Variants in EIF2D observed in about 807,000 individuals in gnomAD.
EIF2D encodes the protein hepatocellular carcinoma-associated antigen 56.
EIF2D carries 56 observed loss-of-function variants against 77.4 expected under a neutral mutation model. That is an observed-to-expected ratio of 0.72 (90% CI 0.58 to 0.90). The LOEUF (loss-of-function observed/expected upper bound fraction) is 0.90. Ranked by LOEUF, EIF2D falls within the 40% of genes least tolerant of loss-of-function variation. The pLI is 0.00. For synonymous variants in EIF2D, 230 were observed against 271.0 expected (o/e 0.85, Z 1.49); for missense variants, 574 against 706.5 (o/e 0.81, Z 2.13).
chr1:206,595,501 T>C (rs1553409832), intron 13 of EIF2D: 2 of 397,780 alleles, frequency 5.0e-6, no homozygotes, highest in African/African-American at 4.1e-5. Context: ...CTCTAGCAAG[T>C]TTCCTAGAAC....
At chr1:206,573,016 A>G (rs1668502907) in intron 4 of EIF2D, among the ~76,000 whole-genome samples, 1 of 152,212 alleles carries the variant, frequency 6.6e-6, no homozygotes, top group Non-Finnish European at 1.5e-5. Flanking sequence ...GATGATGATG[A>G]TCATGATCAT....
chr1:206,578,368 A>G (rs1019248867), intron 4 of EIF2D, among the ~76,000 whole-genome samples: 11 of 152,164 alleles, frequency 7.2e-5, no homozygotes, highest in African/African-American at 2.2e-4. Flanking sequence ...AATGAGCATC[A>G]TAATAGTATT....
chr1:206,583,665 T>G, intron 2 of EIF2D: 2 of 390,686 alleles, frequency 5.1e-6, no homozygotes, highest in Non-Finnish European at 9.7e-6. Context: ...AAACGGTACG[T>G]AATGACCAAG....
rs1186958438 is a variant in EIF2D at position 206,599,458 on chromosome 1, C to T, written c.1202+5G>A. On this transcript the variant is annotated splice_donor_5th_base_variant and intron_variant, in intron 10 of 14. Transcript: ENST00000271764. The surrounding 1 kb of genome is among the most constrained non-coding windows in gnomAD (Gnocchi z 4.1). ...GCAGAGAAGGGCTGCTCTCCAAAAA[C>T]TCACTTGTGGCCAGACTCCTGGAAG... 1.2e-6 allele frequency: 2 copies of T among 1,613,614 alleles called. No homozygotes were observed. The highest frequency in any genetic ancestry group is 3.3e-5 in the Admixed American group (2 of 59,950).
Position 206,602,439 on chromosome 1 carries a change from G to A in EIF2D, c.799C>T (p.Leu267=). 3.7e-6 allele frequency: 6 copies of A among 1,614,108 alleles called. No homozygotes were observed. Among genetic ancestry groups the A allele is most frequent in the South Asian group, 1.1e-5 (1 of 91,084 alleles). The change falls in exon 7 of 15, where the codon CTG becomes TTG. Residue 267 remains leucine, a synonymous_variant. Transcript: ENST00000271764. ...SKTLQEQMDE[L]LQQCFLHALK... is the part of the protein sequence containing the mutation. ...GCATGTAAGAAGCATTGCTGTAACA[G>A]CTCATCCATTTGTTCTGCAGGGAAA...
In EIF2D at chr1:206,597,278, C is replaced by T. The variant is rs1357422091; in HGVS notation, c.1293-83G>A. 9.1e-5 allele frequency: 92 copies of T among 1,012,460 alleles called. 1 individual carries two copies. The highest frequency in any genetic ancestry group is 1.6e-4 in the South Asian group (12 of 73,220). The allele number at this position is 1,012,460 out of a possible 1,614,324, so 62.7% of individuals were successfully genotyped here. A position where few individuals can be genotyped will look rare whatever the true frequency, so the allele number is the denominator to read the frequency against. ...GCTAATTCAGGATTCATCTCTCGTACGGCCTTTATAGACATTCAGGATATG... is the reference window on the plus strand; with the variant it reads ...GCTAATTCAGGATTCATCTCTCGTATGGCCTTTATAGACATTCAGGATATG... On this transcript the variant is annotated intron_variant, in intron 11 of 14. Coordinates refer to ENST00000271764, the MANE Select transcript of EIF2D (RefSeq NM_006893.3).
At chr1:206,595,311 T>C (rs926496882) in intron 13 of EIF2D, 5 of 154,366 alleles carry the variant, frequency 3.2e-5, no homozygotes, top group Admixed American at 1.9e-4. Context: ...AGAGATGTCA[T>C]TGGTTCCCCA....
chr1:206,583,737 A>C (rs1668986936), intron 2 of EIF2D: 3 of 261,028 alleles, frequency 1.1e-5, no homozygotes, highest in African/African-American at 2.3e-5. Flanking sequence ...TCCCCTTCCT[A>C]CCCCTTCGAT....
downstream of EIF2D, among the ~76,000 whole-genome samples, chr1:206,590,532 G>C (rs782774747): frequency 5.9e-5 from 9 of 152,174 alleles, no homozygotes; most frequent in Non-Finnish European, 1.0e-4. Context: ...GCTTTAACAG[G>C]ATCCTGTTTA....
rs1670365294 is a variant in EIF2D at position 206,609,460 on chromosome 1, C to T, written c.248-1G>A. Reference sequence around the variant, plus strand: ...TCAGGATAGGACCACAGCGTGTACACTGTACAAAAAGAGATCCAGAAAACA... The same window carrying T: ...TCAGGATAGGACCACAGCGTGTACATTGTACAAAAAGAGATCCAGAAAACA... On this transcript the variant is annotated splice_acceptor_variant, in intron 2 of 14. Coordinates refer to ENST00000271764, the MANE Select transcript of EIF2D (RefSeq NM_006893.3). LOFTEE classifies it high-confidence loss of function. The T allele has an allele frequency of 1.2e-6, 2 of 1,612,928 alleles. No individual in the cohort carries two copies. Among genetic ancestry groups the T allele is most frequent in the South Asian group, 2.2e-5 (2 of 90,758 alleles).
At chr1:206,583,768 T>C (rs1668989127) in intron 2 of EIF2D, 2 of 209,794 alleles carry the variant, frequency 9.5e-6, no homozygotes, top group South Asian at 1.3e-4. Context: ...GGACATACTC[T>C]CTCAGAGAGG....
At chr1:206,591,457 G>C (rs1169821670), downstream of EIF2D, among the ~76,000 whole-genome samples, 1 of 152,136 alleles carries the variant, frequency 6.6e-6, no homozygotes, top group Non-Finnish European at 1.5e-5. Flanking sequence ...TTTAAAAAGA[G>C]GAAGGCCCCA....
At chr1:206,576,864 C>A (rs895506018) in intron 4 of EIF2D, among the ~76,000 whole-genome samples, 4 of 152,154 alleles carry the variant, frequency 2.6e-5, no homozygotes, top group African/African-American at 4.8e-5. Context: ...TGCAGTGGCA[C>A]AATCACGGCT....
In EIF2D at chr1:206,599,356, G is replaced by A. The variant is rs1669808248; in HGVS notation, c.1202+107C>T. ...CTGGATTTTGGAGAAGGGGAGAACA[G>A]GGGCAGAGCAGGTTTTGCCAGTCGC... is the stretch of plus-strand genomic sequence containing the variant. On this transcript the variant is annotated intron_variant, in intron 10 of 14. Transcript: ENST00000271764. This position sits in a 1 kb window ranked among gnomAD's most constrained non-coding sequence, Gnocchi z 4.1. 7.0e-7 allele frequency: 1 copy of A among 1,422,570 alleles called. No homozygotes were observed. Among genetic ancestry groups the A allele is most frequent in the African/African-American group, 1.4e-5 (1 of 70,184 alleles). The allele number at this position is 1,422,570 out of a possible 1,614,324, so 88.1% of individuals were successfully genotyped here. A position where few individuals can be genotyped will look rare whatever the true frequency, so the allele number is the denominator to read the frequency against.
intron 1 of EIF2D, 118 bp downstream of exon 1, chr1:206,612,169 G>C: frequency 7.2e-7 from 1 of 1,388,300 alleles, no homozygotes; most frequent in East Asian, 2.3e-5. Flanking sequence ...CCCTTCCCTG[G>C]CATACCCCTC....
chr1:206,580,487 G>A (rs1300521240), intron 4 of EIF2D, among the ~76,000 whole-genome samples: 2 of 152,190 alleles, frequency 1.3e-5, no homozygotes, highest in East Asian at 3.9e-4. Context: ...GCTCCCAGCG[G>A]GAAGGTATAG....
intron 7 of EIF2D, chr1:206,600,609 G>A: frequency 3.3e-6 from 1 of 307,352 alleles, no homozygotes; most frequent in Non-Finnish European, 6.0e-6. Context: ...GTGACCAAGG[G>A]AACTGAATTT....
At chr1:206,580,485 C>T (rs182293164) in intron 4 of EIF2D, among the ~76,000 whole-genome samples, 58 of 152,138 alleles carry the variant, frequency 3.8e-4, no homozygotes, top group African/African-American at 1.2e-4. Context: ...AAGCTCCCAG[C>T]GGGAAGGTAT....
At chr1:206,609,593 T>C in intron 2 of EIF2D, 134 bp from the exon 3 acceptor site, 1 of 663,514 alleles carries the variant, frequency 1.5e-6, no homozygotes, top group South Asian at 2.5e-5. Context: ...GAGAAGGTTG[T>C]AAGGGGATGC....
Sources: allele counts gnomAD v4.1 joint callset (sites outside exome capture counted in the v4.1 genomes callset), GRCh38; gene constraint gnomAD v4.1.1; non-coding constraint Gnocchi (gnomAD v3.1); transcripts MANE v1.5; gene names NCBI Gene and HGNC (gene_info 2026-07-23, HGNC 2026-07-21).